The following ASCC3 variants were observed in gnomAD, a reference collection of about 807,000 sequenced individuals.
ASCC3 encodes activating signal cointegrator 1 complex subunit 3, also known as ASC-1 complex subunit P200.
Under a neutral mutation model 256.3 loss-of-function variants are expected in ASCC3, and 158 were observed. The ratio of observed to expected loss-of-function variants is 0.62; its 90% confidence interval spans 0.54 to 0.70. ASCC3 has a LOEUF of 0.70. ASCC3 is among the 30% of genes least tolerant of loss of function. The probability of loss-of-function intolerance (pLI) is 0.00; values close to 1 mark genes in which losing one functional copy is unlikely to be tolerated. For synonymous variants in ASCC3, 948 were observed against 883.4 expected, an observed-to-expected ratio of 1.07 and a Z score of -1.30; for missense variants, 2,259 against 2,626.0, an observed-to-expected ratio of 0.86 and a Z score of 3.05.
intron 10 of ASCC3, among the ~76,000 whole-genome samples, chr6:100,757,797 T>C (rs1484060336): frequency 6.6e-6 from 1 of 152,190 alleles, no homozygotes; most frequent in Non-Finnish European, 1.5e-5. Context: ...TCCTGGAGTT[T>C]CTTTCTGTGT....
At chr6:100,768,946 A>T (rs1232357302) in intron 8 of ASCC3, among the ~76,000 whole-genome samples, 1 of 152,146 alleles carries the variant, frequency 6.6e-6, no homozygotes, top group Non-Finnish European at 1.5e-5. Context: ...TTTGAAATGA[A>T]ATAGCACACC....
In ASCC3 at chr6:100,516,112, G is replaced by A. The variant is rs1008636282; in HGVS notation, c.6075+68C>T. On this transcript the variant is annotated intron_variant, in intron 39 of 41. Transcript: ENST00000369162. ...CCTGGTTCCAAAATCCATGCTCTAA[G>A]TTAGAAAACTCTTGGTACACCTTCT... 1.9e-6 allele frequency: 3 copies of A among 1,602,810 alleles called. No homozygotes were observed. In the African/African-American group the frequency reaches 4.0e-5, roughly 21 times the overall value.
At chr6:100,519,817 G>A (rs1774212622) in intron 37 of ASCC3, among the ~76,000 whole-genome samples, 1 of 152,100 alleles carries the variant, frequency 6.6e-6, no homozygotes, top group Non-Finnish European at 1.5e-5. Flanking sequence ...TAAAACTTAT[G>A]AGATTTCCCC....
At chr6:100,859,925 T>G (rs2114535375) in intron 3 of ASCC3, among the ~76,000 whole-genome samples, 2 of 152,114 alleles carry the variant, frequency 1.3e-5, no homozygotes, top group Middle Eastern at 3.4e-3. Flanking sequence ...CTGGGACAAC[T>G]TCAAACATTC....
In ASCC3 at chr6:100,509,402, T is replaced by C. The variant is rs1478660952; in HGVS notation, c.6593A>G (p.Asp2198Gly). The change falls in exon 42 of 42, where the codon GAC (aspartate) becomes GGC (glycine). Residue 2198 changes from aspartate (D) to glycine (G), a missense_variant. By Grantham distance (94) the Asp-to-Gly change is moderately conservative. Coordinates refer to ENST00000369162, the MANE Select transcript of ASCC3 (RefSeq NM_006828.4). Reference protein sequence around the residue: ...VNTKVSDSLTDLALK With the variant: ...VNTKVSDSLTGLALK ...CAGGTCAAGTTACTTTAATGCCAGG[T>C]CAGTCAGGGAATCAGAGACCTTGGT... is the stretch of plus-strand genomic sequence containing the variant. 1 of 1,614,180 alleles carries C rather than the reference T, an allele frequency of 6.2e-7. No individual in the cohort carries two copies. Among genetic ancestry groups the C allele is most frequent in the Non-Finnish European group, 8.5e-7 (1 of 1,180,026 alleles).
Position 100,848,196 on chromosome 6 carries a change from T to A in ASCC3, c.753A>T (p.Leu251Phe). 6 of 1,610,886 alleles carry A rather than the reference T, an allele frequency of 3.7e-6. No individual in the cohort carries two copies. Among genetic ancestry groups the A allele is most frequent in the Non-Finnish European group, 5.1e-6 (6 of 1,178,880 alleles). The change falls in exon 4 of 42, where the codon TTA becomes TTT. Residue 251 changes from leucine to phenylalanine, a missense_variant. Leu to Phe is a conservative substitution (Grantham distance 22, BLOSUM62 0). Transcript: ENST00000369162. ...VPRVEDLCCT[L>F]YDMLASIKSG... The stretch of plus-strand genomic sequence containing the variant: ...TTTTAATAGAAGCAAGCATATCATA[T>A]AAAGTACAGCAAAGATCTTCTACTC...
intron 10 of ASCC3, among the ~76,000 whole-genome samples, chr6:100,736,497 A>C (rs11155623): frequency 1.3e-5 from 2 of 149,682 alleles, no homozygotes; most frequent in Non-Finnish European, 2.9e-5. Context: ...GTAAAACTCC[A>C]TTTCAAAAAA....
At chr6:100,658,649 C>T (rs1194242093) in intron 16 of ASCC3, among the ~76,000 whole-genome samples, 1 of 151,332 alleles carries the variant, frequency 6.6e-6, no homozygotes, top group Non-Finnish European at 1.5e-5. Flanking sequence ...CACAACAATC[C>T]AGTGACAGTA....
intron 8 of ASCC3, among the ~76,000 whole-genome samples, chr6:100,788,994 GTATTT>G (rs773591585): frequency 1.3e-4 from 19 of 151,802 alleles, no homozygotes; most frequent in Non-Finnish European, 7.4e-5. Flanking sequence ...CCAAAAGGGT[GTATTT>G]TATAGTAGTC....
At position 100,605,750 on chromosome 6, in the gene ASCC3, A is replaced by C. The variant is rs768487987; in HGVS notation, c.5045-50T>G. The C allele has an allele frequency of 1.9e-6, 3 of 1,576,646 alleles. No homozygotes were observed. In the East Asian group the frequency reaches 6.7e-5, roughly 35 times the overall value. On this transcript the variant is annotated intron_variant, in intron 32 of 41. Transcript: ENST00000369162. The stretch of plus-strand genomic sequence containing the variant: ...ATTCTACAATGTGGCATATAGCACA[A>C]GGTATATTTACTGATTATGGCATGC...
chr6:100,583,610 T>C (rs1436956746), intron 36 of ASCC3, among the ~76,000 whole-genome samples: 1 of 152,238 alleles, frequency 6.6e-6, no homozygotes, highest in Non-Finnish European at 1.5e-5. Context: ...TGATTTTAGT[T>C]ATTTCTTGCC....
At chr6:100,586,503 C>T (rs898819653) in intron 36 of ASCC3, among the ~76,000 whole-genome samples, 3 of 152,172 alleles carry the variant, frequency 2.0e-5, no homozygotes, top group Non-Finnish European at 2.9e-5. Flanking sequence ...TTCTTTGACT[C>T]GGAAAGGGAA....
At chr6:100,616,590 G>T (rs1037667974) in intron 30 of ASCC3, among the ~76,000 whole-genome samples, 1 of 152,032 alleles carries the variant, frequency 6.6e-6, no homozygotes. Context: ...CCTCTACCTG[G>T]AATTTTTCCA....
chr6:100,564,431 C>T (rs1237758353), intron 36 of ASCC3, among the ~76,000 whole-genome samples: 2 of 152,146 alleles, frequency 1.3e-5, no homozygotes, highest in Non-Finnish European at 2.9e-5. Flanking sequence ...TTAGCTCTCA[C>T]ACATGACTGC....
chr6:100,714,138 A>G (rs1778986179), intron 13 of ASCC3, among the ~76,000 whole-genome samples: 1 of 152,196 alleles, frequency 6.6e-6, no homozygotes, highest in Non-Finnish European at 1.5e-5. Context: ...AATATTGTCC[A>G]TAGCCGCTTT....
chr6:100,645,918 T>G lies in ASCC3; in HGVS notation c.3633+697A>C, dbSNP rs550371528. 3.1e-4 allele frequency among the ~76,000 whole-genome samples: 47 copies of G among 152,230 alleles called. 1 individual carries two copies. The highest frequency in any genetic ancestry group is 5.2e-4 in the Admixed American group (8 of 15,302). On this transcript the variant is annotated intron_variant, in intron 22 of 41. Coordinates refer to ENST00000369162, the MANE Select transcript of ASCC3 (RefSeq NM_006828.4). ...GCAACCCATCAGTCTTTGGAGATCA[T>G]GGAGAAAGTAGTCTCAGCAGCAAAG...
chr6:100,794,704 T>C (rs1769519201), intron 8 of ASCC3, among the ~76,000 whole-genome samples: 1 of 152,234 alleles, frequency 6.6e-6, no homozygotes, highest in East Asian at 1.9e-4. Flanking sequence ...AATCAGATTT[T>C]ATAGGACTCA....
chr6:100,837,328 G>A (rs561537937), intron 4 of ASCC3, among the ~76,000 whole-genome samples: 1 of 152,084 alleles, frequency 6.6e-6, no homozygotes, highest in South Asian at 2.1e-4. Context: ...ACAGTATGAA[G>A]GTTTCTCAAA....
intron 13 of ASCC3, among the ~76,000 whole-genome samples, chr6:100,690,048 A>G (rs1315131577): frequency 6.6e-6 from 1 of 152,144 alleles, no homozygotes; most frequent in African/African-American, 2.4e-5. Flanking sequence ...TGTATTAACC[A>G]AAATACAGTC....
Sources: allele counts gnomAD v4.1 joint callset (sites outside exome capture counted in the v4.1 genomes callset), GRCh38; gene constraint gnomAD v4.1.1; transcripts MANE v1.5; gene names NCBI Gene and HGNC (gene_info 2026-07-23, HGNC 2026-07-21).